Variants in GALK1 observed in about 807,000 individuals in gnomAD.
The protein encoded by GALK1 is galactokinase.
GALK1 carries 30 observed loss-of-function variants against 38.6 expected under a neutral mutation model. The observed-to-expected ratio is 0.78, with a 90% CI of 0.58 to 1.05. The LOEUF (loss-of-function observed/expected upper bound fraction) is 1.05. GALK1 is among the 50% of genes least tolerant of loss of function. The pLI is 0.00. For synonymous variants in GALK1, 240 were observed against 233.6 expected, an observed-to-expected ratio of 1.03 and a Z score of -0.25; for missense variants, 512 against 540.5, an observed-to-expected ratio of 0.95 and a Z score of 0.52.
Position 75,758,587 on chromosome 17 carries a change from A to G in GALK1, c.806T>C (p.Leu269Pro). The G allele has an allele frequency of 6.3e-7, 1 of 1,594,786 alleles. No homozygotes were observed. Among genetic ancestry groups the G allele is most frequent in the South Asian group, 1.1e-5 (1 of 89,594 alleles). ...CCGCCGGAAGCCCTCTTTGCTCACC[A>G]GGTCCCTGGCAGCTGGGGAGGAAAG... ...QLEELEAARD[L>P]VSKEGFRRAR... The change falls in exon 6 of 8, where the codon CTG becomes CCG. Residue 269 changes from leucine (L) to proline (P), a missense_variant. By Grantham distance (98) the Leu-to-Pro change is moderately conservative. Transcript: ENST00000588479.
At chr17:75,752,257 C>T in intron 8 of GALK1, 1 of 1,613,586 alleles carries the variant, frequency 6.2e-7, no homozygotes. Context: ...GGAGTCCCAG[C>T]CCTACCGCTA....
At chr17:75,764,745 G>C (rs1166457599) in intron 1 of GALK1, 5 of 625,342 alleles carry the variant, frequency 8.0e-6, no homozygotes, top group Non-Finnish European at 1.4e-5. Context: ...GCGGGCTTGA[G>C]CCAAGAGGCG....
At chr17:75,764,909 C>T (rs992764445) in intron 1 of GALK1, 63 bp downstream of exon 1, 2 of 1,553,292 alleles carry the variant, frequency 1.3e-6, no homozygotes, top group Non-Finnish European at 1.7e-6. Context: ...TCCCCGAGGC[C>T]CGCCCTCCTC....
chr17:75,763,019 G>A lies in GALK1; in HGVS notation c.606C>T (p.Asp202=). The A allele has an allele frequency of 6.2e-7, 1 of 1,612,950 alleles. No individual in the cohort carries two copies. The highest frequency in any genetic ancestry group is 8.5e-7 in the Non-Finnish European group (1 of 1,180,024). ...MGQKGHALLI[D]CRSLETSLVP... is the part of the protein sequence containing the mutation. Reference sequence around the variant, plus strand: ...ACGAGGGGAGCGAGCCCAACCTGCAGTCAATGAGCAGCGCGTGGCCTTTCT... The same window carrying A: ...ACGAGGGGAGCGAGCCCAACCTGCAATCAATGAGCAGCGCGTGGCCTTTCT... Residue 202 remains aspartate, a synonymous_variant, in exon 4 of 8, where the codon GAC becomes GAT. Coordinates refer to ENST00000588479, the MANE Select transcript of GALK1 (RefSeq NM_000154.2).
Position 75,758,458 on chromosome 17 carries a change from C to T in GALK1, c.935G>A (p.Arg312His), listed in dbSNP as rs181526665. ...GCCCAGAGGGCCTCACCTGAGTGAG[C>T]GGTGGCTCTCCACCATGAGGCGGCC... ...AFGRLMVESH[R>H]SLRDDYEVSC... The change falls in exon 6 of 8, where the codon CGC (arginine) becomes CAC (histidine). Residue 312 changes from arginine (R) to histidine (H), a missense_variant. Arg to His is a conservative substitution (Grantham distance 29). Coordinates refer to ENST00000588479, the MANE Select transcript of GALK1 (RefSeq NM_000154.2). 7.6e-5 allele frequency: 120 copies of T among 1,574,192 alleles called. No homozygotes were observed. The East Asian group carries it at 1.7e-3, about 22-fold the overall frequency.
downstream of GALK1, chr17:75,755,010 A>G: frequency 1.3e-6 from 2 of 1,579,006 alleles, no homozygotes; most frequent in Non-Finnish European, 1.7e-6. Flanking sequence ...ACACACATGC[A>G]TGCACACTCC....
chr17:75,763,275 C>T, intron 3 of GALK1, 45 bp downstream of exon 3: 1 of 1,613,900 alleles, frequency 6.2e-7, no homozygotes, highest in Non-Finnish European at 8.5e-7. Context: ...CACCTGGAGA[C>T]CTCAGGGAAG....
chr17:75,759,361 G>A (rs1303970765), intron 5 of GALK1, among the ~76,000 whole-genome samples: 4 of 152,054 alleles, frequency 2.6e-5, no homozygotes, highest in African/African-American at 7.2e-5. Flanking sequence ...CTGGGAGGCG[G>A]AGGTTGCAGT....
downstream of GALK1, chr17:75,757,479 A>C: frequency 6.2e-7 from 1 of 1,612,812 alleles, no homozygotes; most frequent in Non-Finnish European, 8.5e-7. Flanking sequence ...CATGTGACCC[A>C]GGAGTTTGTG....
Position 75,763,068 on chromosome 17 carries a change from T to C in GALK1, c.557A>G (p.Asp186Gly). The change falls in exon 4 of 8, where the codon GAC (aspartate) becomes GGC (glycine). Residue 186 changes from aspartate (D) to glycine (G), a missense_variant. By Grantham distance (94) the Asp-to-Gly change is moderately conservative. Coordinates refer to ENST00000588479, the MANE Select transcript of GALK1 (RefSeq NM_000154.2). ...SFAGMPCGIM[D>G]QFISLMGQKG... is the part of the protein sequence containing the mutation. Reference sequence around the variant, plus strand: ...CTGTCCCATAAGTGAGATGAACTGGTCCATGATGCCACAGGGCATCCCTGC... The same window carrying C: ...CTGTCCCATAAGTGAGATGAACTGGCCCATGATGCCACAGGGCATCCCTGC... 1.2e-6 allele frequency: 2 copies of C among 1,612,890 alleles called. No individual in the cohort carries two copies. Among genetic ancestry groups the C allele is most frequent in the Non-Finnish European group, 1.7e-6 (2 of 1,179,990 alleles).
At chr17:75,757,559 C>A (rs189610725), downstream of GALK1, 3 of 1,613,210 alleles carry the variant, frequency 1.9e-6, no homozygotes, top group Non-Finnish European at 2.5e-6. Context: ...AACTTGACCG[C>A]ACCCTGCCCC....
chr17:75,753,710 C>T, downstream of GALK1: 1 of 1,241,022 alleles, frequency 8.1e-7, no homozygotes, highest in Non-Finnish European at 1.0e-6. Context: ...CCGCCTGGCC[C>T]TGCTCGGCCC....
At chr17:75,754,490 G>A, downstream of GALK1, 1 of 1,566,258 alleles carries the variant, frequency 6.4e-7, no homozygotes, top group Non-Finnish European at 8.7e-7. Context: ...GAGGGTGGGT[G>A]ACCAGGAATG....
chr17:75,751,824 T>A, intron 8 of GALK1: 1 of 384,568 alleles, frequency 2.6e-6, no homozygotes, highest in South Asian at 2.4e-5. Flanking sequence ...AACAGTTATT[T>A]CTCCAGTCCT....
chr17:75,754,019 T>A, downstream of GALK1: 1 of 916,004 alleles, frequency 1.1e-6, no homozygotes, highest in Non-Finnish European at 1.4e-6. Context: ...CCACCCAGCC[T>A]CACTCGCGCC....
rs368904895 is a variant in GALK1, at chr17:75,762,754, C to T, written c.743G>A (p.Arg248Gln). The T allele has an allele frequency of 5.7e-5, 92 of 1,613,750 alleles. No individual in the cohort carries two copies. The highest frequency in any genetic ancestry group is 1.7e-4 in the African/African-American group (13 of 74,922). ...VRRRQCEEVA[R>Q]ALGKESLREV... The stretch of plus-strand genomic sequence containing the variant: ...CCGGAGGCTTTCCTTGCCCAGCGCC[C>T]GGGCCACTTCTTCACATTGGCGCCG... The change falls in exon 5 of 8, where the codon CGG (arginine) becomes CAG (glutamine). Residue 248 changes from arginine to glutamine, a missense_variant. Transcript: ENST00000588479.
intron 5 of GALK1, 63 bp from the exon 6 acceptor site, chr17:75,758,662 G>T (rs944123957): frequency 1.3e-6 from 2 of 1,536,578 alleles, no homozygotes; most frequent in South Asian, 2.4e-5. Flanking sequence ...CGCCTGTGAG[G>T]ACCAGCAGGC....
downstream of GALK1, chr17:75,757,313 G>GAGCA: frequency 6.2e-7 from 1 of 1,612,500 alleles, no homozygotes; most frequent in Non-Finnish European, 8.5e-7. Context: ...CCTAGTGGGT[G>GAGCA]AGCACTGAGG....
At chr17:75,753,847 C>T (rs1208385308), downstream of GALK1, 1 of 1,408,122 alleles carries the variant, frequency 7.1e-7, no homozygotes. Flanking sequence ...CGGAGCTCAT[C>T]CCGCGCCTGT....
Sources: gnomAD v4.1 joint callset for allele counts (sites outside exome capture counted in the v4.1 genomes callset) on GRCh38, gnomAD v4.1.1 for gene constraint, MANE v1.5 for transcripts, NCBI Gene and HGNC (gene_info 2026-07-23, HGNC 2026-07-21) for gene names.